TTN: variants seen among roughly 807,000 people sequenced by gnomAD.
The protein encoded by TTN is connectin.
In TTN, 1,525 loss-of-function variants were observed where a neutral mutation model predicts 3,223.0. That is an observed-to-expected ratio of 0.47 (90% CI 0.45 to 0.49). The LOEUF (loss-of-function observed/expected upper bound fraction) is 0.49. TTN is among the 20% of genes least tolerant of loss of function. The probability of loss-of-function intolerance (pLI) is 0.00; values close to 1 mark genes in which losing one functional copy is unlikely to be tolerated. For synonymous variants in TTN, 14,094 were observed against 15,161.0 expected, an observed-to-expected ratio of 0.93 and a Z score of 5.17; for missense variants, 40,786 against 43,424.0, an observed-to-expected ratio of 0.94 and a Z score of 5.40.
chr2:178,747,651 C>A, intron 47 of TTN: 6 of 1,613,256 alleles, frequency 3.7e-6, no homozygotes, highest in Non-Finnish European at 5.1e-6. Context: ...GTTTCAGGAA[C>A]CTCACGCTTT....
chr2:178,620,192 T>C, intron 248 of TTN, 25 bp downstream of exon 248: 1 of 1,552,872 alleles, frequency 6.4e-7, no homozygotes. Context: ...GCTACAGAAA[T>C]AGAGAATAAA....
intron 47 of TTN, chr2:178,744,269 AT>A: frequency 1.5e-6 from 1 of 659,640 alleles, no homozygotes; most frequent in Non-Finnish European, 1.9e-6. Context: ...TTGTAATATT[AT>A]TTCTCTCGTC....
chr2:178,726,243 C>G, intron 69 of TTN, 197 bp from the exon 70 acceptor site: 1 of 514,292 alleles, frequency 1.9e-6, no homozygotes, highest in Non-Finnish European at 3.3e-6. Context: ...GGCAGAGAAC[C>G]CAGATAGATC....
In TTN at chr2:178,768,093, T is replaced by G. The variant is rs766144077; in HGVS notation, c.9226A>C (p.Met3076Leu). ...GGTTCAGAAACTTCACATTCAAACA[T>G]GGCTCGCTTCTTCTCCAGTACCTTA... Reference protein sequence around the residue: ...DIKVLEKKRAMFECEVSEPDI... With the variant: ...DIKVLEKKRALFECEVSEPDI... The change falls in exon 39 of 363, where the codon ATG (methionine) becomes CTG (leucine). Residue 3076 changes from methionine (M) to leucine (L), a missense_variant. Coordinates refer to ENST00000589042, the MANE Select transcript of TTN (RefSeq NM_001267550.2). The G allele has an allele frequency of 1.9e-6, 3 of 1,614,026 alleles. No individual in the cohort carries two copies. The African/African-American group carries it at 4.0e-5, about 22-fold the overall frequency.
intron 127 of TTN, 59 bp downstream of exon 127, chr2:178,688,052 G>T: frequency 7.0e-7 from 1 of 1,425,544 alleles, no homozygotes; most frequent in Non-Finnish European, 9.8e-7. Context: ...TAGACAATTT[G>T]TGAAAGAAAA....
chr2:178,554,155 A>G lies in TTN; in HGVS notation c.88956T>C (p.Val29652=). 6.2e-7 allele frequency: 1 copy of G among 1,611,676 alleles called. No individual in the cohort carries two copies. The highest frequency in any genetic ancestry group is 8.5e-7 in the Non-Finnish European group (1 of 1,179,262). The part of the protein sequence containing the change: ...VTKITKNSMT[V]VWSRPIADGG... Reference sequence around the variant, plus strand: ...CATCTGCAATTGGCCTGCTCCATACAACAGTCATCGAATTCTTGGTAATCT... The same window carrying G: ...CATCTGCAATTGGCCTGCTCCATACGACAGTCATCGAATTCTTGGTAATCT... The change falls in exon 333 of 363, where the codon GTT becomes GTC. Residue 29652 remains valine (V), a synonymous_variant. Coordinates refer to ENST00000589042, the MANE Select transcript of TTN (RefSeq NM_001267550.2).
chr2:178,576,944 C>T lies in TTN; in HGVS notation c.69391G>A (p.Val23131Ile). The T allele has an allele frequency of 2.5e-6, 4 of 1,610,464 alleles. No individual in the cohort carries two copies. The highest frequency in any genetic ancestry group is 1.1e-5 in the South Asian group (1 of 90,576). ...GKGEPVQSEPVKMVDRFGPPG... is the reference protein window; with the variant it reads ...GKGEPVQSEPIKMVDRFGPPG... ...ATACCAAATCTGTCTACCATTTTGA[C>T]AGGTTCAGACTGTACAGGTTCTCCT... Residue 23131 changes from valine (V) to isoleucine (I), a missense_variant, in exon 324 of 363, where the codon GTC (valine) becomes ATC (isoleucine). Coordinates refer to ENST00000589042, the MANE Select transcript of TTN (RefSeq NM_001267550.2). The surrounding 1 kb of genome is among the most constrained non-coding windows in gnomAD (Gnocchi z 4.3).
rs887577241 is a variant in TTN at position 178,715,631 on chromosome 2, T to A, written c.25783A>T (p.Lys8595Ter). The change falls in exon 89 of 363, where the codon AAA becomes TAA. Residue 8595 changes from lysine to a stop codon, truncating the protein, a stop_gained. Coordinates refer to ENST00000589042, the MANE Select transcript of TTN (RefSeq NM_001267550.2). LOFTEE classifies it high-confidence loss of function. ...GAGTCAACGAATGACATTCTGAATT[T>A]ACTGCTCTCTTGAATTTCAGTCTCG... ...KDETEIQESS[K>*]FRMSFVDSVA... is the part of the protein sequence containing the mutation. 6.2e-7 allele frequency: 1 copy of A among 1,613,526 alleles called. No homozygotes were observed. Among genetic ancestry groups the A allele is most frequent in the African/African-American group, 1.3e-5 (1 of 74,912 alleles).
chr2:178,692,630 T>G, intron 119 of TTN, 50 bp from the exon 120 acceptor site: 1 of 1,353,236 alleles, frequency 7.4e-7, no homozygotes, highest in South Asian at 1.6e-5. Flanking sequence ...TGACAAGGCA[T>G]ATGTTGTTGT....
chr2:178,712,734 A>G lies in TTN; in HGVS notation c.27291T>C (p.Ala9097=), dbSNP rs1365187420. The G allele has an allele frequency of 3.1e-6, 5 of 1,613,812 alleles. No individual in the cohort carries two copies. The highest frequency in any genetic ancestry group is 1.3e-5 in the African/African-American group (1 of 75,044). ...GATGTGTTGTACAAGAAGCCTTGCC[A>G]GCTTCATTGCTAACTATGCAAGTAT... ...GEYTCIVSNE[A]GKASCTTHLY... is the part of the protein sequence containing the mutation. Residue 9097 remains alanine (A), a synonymous_variant, in exon 94 of 363, where the codon GCT becomes GCC. Transcript: ENST00000589042.
At position 178,775,496 on chromosome 2, in the gene TTN, C is replaced by T. The variant is rs530807674; in HGVS notation, c.6368G>A (p.Arg2123Gln). ...GTCTTCGGGCCAGTACCAGTAGATCCGGTCAGACCGTTCAATTTTGACACC... is the reference window on the plus strand; with the variant it reads ...GTCTTCGGGCCAGTACCAGTAGATCTGGTCAGACCGTTCAATTTTGACACC... ...KNGVKIERSD[R>Q]IYWYWPEDNV... Residue 2123 changes from arginine to glutamine, a missense_variant, in exon 28 of 363, where the codon CGG becomes CAG. Transcript: ENST00000589042. The T allele has an allele frequency of 2.2e-5, 36 of 1,613,846 alleles. No individual in the cohort carries two copies. In the African/African-American group the frequency reaches 2.8e-4, roughly 13 times the overall value.
chr2:178,560,403 C>T lies in TTN; in HGVS notation c.85729G>A (p.Asp28577Asn). 1 of 1,613,722 alleles carries T rather than the reference C, an allele frequency of 6.2e-7. No homozygotes were observed. Among genetic ancestry groups the T allele is most frequent in the Non-Finnish European group, 8.5e-7 (1 of 1,179,806 alleles). ...TATCCAGATATTTCACTACCTCCAT[C>T]ACTCTCGGGTCTTGACCAGCAAAGT... ...MTLCWSRPESDGGSEISGYII... is the reference protein window; with the variant it reads ...MTLCWSRPESNGGSEISGYII... Residue 28577 changes from aspartate to asparagine, a missense_variant, in exon 326 of 363, where the codon GAT becomes AAT. By Grantham distance (23) the Asp-to-Asn change is conservative. Transcript: ENST00000589042.
Position 178,684,216 on chromosome 2 carries a change from C to A in TTN, c.32722+114G>T. ...AAACATAAAACAACAACTGTAACAA[C>A]AACAACAACATCAACAACAACAACA... On this transcript the variant is annotated intron_variant, in intron 132 of 362. Coordinates refer to ENST00000589042, the MANE Select transcript of TTN (RefSeq NM_001267550.2). The A allele has an allele frequency of 2.9e-6, 4 of 1,373,922 alleles. No homozygotes were observed. In the Admixed American group the frequency reaches 6.4e-5, roughly 22 times the overall value. The allele number at this position is 1,373,922 out of a possible 1,614,324, so 85.1% of individuals were successfully genotyped here.
intron 150 of TTN, among the ~76,000 whole-genome samples, chr2:178,674,677 G>A (rs908857947): frequency 2.0e-5 from 3 of 150,760 alleles, no homozygotes; most frequent in African/African-American, 7.3e-5. Context: ...AGCCACTTGG[G>A]GTAGAAATCA....
rs373638788 is a variant in TTN, at chr2:178,562,926, C to T, written c.83206G>A (p.Val27736Ile). 6.2e-6 allele frequency: 10 copies of T among 1,613,488 alleles called. No homozygotes were observed. Among genetic ancestry groups the T allele is most frequent in the Non-Finnish European group, 8.5e-6 (10 of 1,179,754 alleles). ...SSFTMLVIDN[V>I]TRFDSGRYNL... ...TACCGACCACTGTCAAATCTGGTAA[C>T]ATTATCAATCACCAACATTGTAAAT... Residue 27736 changes from valine (V) to isoleucine (I), a missense_variant, in exon 326 of 363, where the codon GTT (valine) becomes ATT (isoleucine). Physicochemically the swap from Val to Ile is conservative, Grantham distance 29. Coordinates refer to ENST00000589042, the MANE Select transcript of TTN (RefSeq NM_001267550.2).
intron 47 of TTN, chr2:178,745,118 T>C: frequency 1.0e-6 from 1 of 989,946 alleles, no homozygotes; most frequent in Non-Finnish European, 1.2e-6. Context: ...TGAGTTTGGA[T>C]GCAAAGGGGT....
chr2:178,558,273 T>C, intron 327 of TTN, 38 bp from the exon 328 acceptor site: 1 of 1,589,504 alleles, frequency 6.3e-7, no homozygotes, highest in Non-Finnish European at 8.5e-7. Context: ...TGAAAAAGTG[T>C]TTCTGAAAAT....
chr2:178,578,748 TAAG>T, intron 320 of TTN, 33 bp from the exon 321 acceptor site: 2 of 1,603,886 alleles, frequency 1.2e-6, no homozygotes, highest in Non-Finnish European at 1.7e-6. Context: ...AGATTTATAA[TAAG>T]AAGCCTCCTC....
Position 178,719,269 on chromosome 2 carries a change from T to A in TTN, c.24121A>T (p.Thr8041Ser). The A allele has an allele frequency of 6.2e-7, 1 of 1,613,710 alleles. No individual in the cohort carries two copies. The highest frequency in any genetic ancestry group is 8.5e-7 in the Non-Finnish European group (1 of 1,179,742). Residue 8041 changes from threonine to serine, a missense_variant, in exon 83 of 363, where the codon ACT becomes TCT. Coordinates refer to ENST00000589042, the MANE Select transcript of TTN (RefSeq NM_001267550.2). ...GGCTCCAACAAGCTCAGATTCAAAG[T>A]ACAGACGTTTTCCGAAAAGCTGGAC... Reference protein sequence around the residue: ...CQSSFSENVCTLNLSLLEPSD... With the variant: ...CQSSFSENVCSLNLSLLEPSD...
Sources: allele counts gnomAD v4.1 joint callset (sites outside exome capture counted in the v4.1 genomes callset), GRCh38; gene constraint gnomAD v4.1.1; non-coding constraint Gnocchi (gnomAD v3.1); transcripts MANE v1.5; gene names NCBI Gene and HGNC (gene_info 2026-07-23, HGNC 2026-07-21).